ABCC2: variants seen among roughly 807,000 people sequenced by gnomAD.
ABCC2 encodes ATP-binding cassette sub-family C member 2.
In ABCC2, 157 loss-of-function variants were observed where a neutral mutation model predicts 173.4. That is an observed-to-expected ratio of 0.91 (90% CI 0.80 to 1.03). The LOEUF (loss-of-function observed/expected upper bound fraction) is 1.03, where lower values mean the gene tolerates loss of function less well. Among genes scored for constraint, ABCC2 ranks in the 50% least tolerant of loss-of-function variants. The probability of loss-of-function intolerance (pLI) is 0.00; values close to 1 mark genes in which losing one functional copy is unlikely to be tolerated. For synonymous variants in ABCC2, 657 were observed against 693.5 expected (o/e 0.95, Z 0.83); for missense variants, 1,822 against 1,852.3 (o/e 0.98, Z 0.30).
intron 28 of ABCC2, among the ~76,000 whole-genome samples, chr10:99,845,391 A>G (rs1033249315): frequency 5.9e-5 from 9 of 152,202 alleles, no homozygotes; most frequent in Non-Finnish European, 8.8e-5. Context: ...AACAGCTGCC[A>G]AGAGAGTCCA....
At chr10:99,810,957 G>T (rs1036264131) in intron 14 of ABCC2, among the ~76,000 whole-genome samples, 1 of 151,578 alleles carries the variant, frequency 6.6e-6, no homozygotes, top group Non-Finnish European at 1.5e-5. Flanking sequence ...CTGGGAGGCA[G>T]AGGTTGTGGT....
At chr10:99,830,666 G>C in intron 20 of ABCC2, 50 bp from the exon 21 acceptor site, 3 of 1,613,520 alleles carry the variant, frequency 1.9e-6, no homozygotes, top group Middle Eastern at 1.7e-4. Context: ...CTGCTTGCAA[G>C]AAGACCCTTG....
chr10:99,783,179 A>T (rs1401977502), intron 1 of ABCC2, among the ~76,000 whole-genome samples: 2 of 152,204 alleles, frequency 1.3e-5, no homozygotes, highest in South Asian at 2.1e-4. Flanking sequence ...CGTGTGAGGA[A>T]GGAGAATTGT....
chr10:99,824,641 C>T (rs951618459), intron 19 of ABCC2, among the ~76,000 whole-genome samples: 64 of 151,340 alleles, frequency 4.2e-4, no homozygotes, highest in African/African-American at 1.4e-3. Context: ...GCAAATTTTT[C>T]GCAATCCTGC....
intron 11 of ABCC2, 72 bp from the exon 12 acceptor site, chr10:99,807,312 T>C (rs1272465862): frequency 3.8e-6 from 6 of 1,580,258 alleles, no homozygotes; most frequent in South Asian, 3.3e-5. Context: ...TCTTAAAACA[T>C]GGGTGGATCA....
At chr10:99,795,755 G>GAAGGAAAT (rs1564672342) in intron 6 of ABCC2, among the ~76,000 whole-genome samples, 1 of 126,784 alleles carries the variant, frequency 7.9e-6, no homozygotes, top group East Asian at 2.2e-4. Context: ...AAGAAAGAAA[G>GAAGGAAAT]AAAGAAAGAA....
At chr10:99,793,256 A>G (rs141429576) in intron 3 of ABCC2, among the ~76,000 whole-genome samples, 22 of 152,296 alleles carry the variant, frequency 1.4e-4, no homozygotes, top group Middle Eastern at 3.4e-3. Context: ...GGTCCTGGAA[A>G]GGTTTTTCTA....
At chr10:99,835,763 C>T (rs1335279530) in intron 24 of ABCC2, among the ~76,000 whole-genome samples, 5 of 152,088 alleles carry the variant, frequency 3.3e-5, no homozygotes, top group Admixed American at 1.3e-4. Context: ...CAGAAACTGT[C>T]ACATGGATGA....
chr10:99,799,156 GC>G, intron 7 of ABCC2, 50 bp from the exon 8 acceptor site: 1 of 1,609,074 alleles, frequency 6.2e-7, no homozygotes, highest in Non-Finnish European at 8.5e-7. Context: ...AGCTGCTCAG[GC>G]CAGTAACAGA....
intron 6 of ABCC2, among the ~76,000 whole-genome samples, chr10:99,796,223 G>A (rs2037908753): frequency 6.6e-6 from 1 of 152,042 alleles, no homozygotes; most frequent in Non-Finnish European, 1.5e-5. Flanking sequence ...ATTAGCTGGG[G>A]GCCTGGTGCA....
At chr10:99,787,705 G>A (rs1267234264) in intron 2 of ABCC2, among the ~76,000 whole-genome samples, 1 of 151,870 alleles carries the variant, frequency 6.6e-6, no homozygotes, top group Non-Finnish European at 1.5e-5. Flanking sequence ...TTTTTTAATG[G>A]GGGTGTGAGT....
intron 6 of ABCC2, among the ~76,000 whole-genome samples, chr10:99,795,740 AAAG>A (rs2037892596): frequency 3.2e-5 from 1 of 31,294 alleles, no homozygotes; most frequent in African/African-American, 1.2e-4. Flanking sequence ...AGAAAGAAGG[AAAG>A]AAAGAAAGAA....
intron 2 of ABCC2, among the ~76,000 whole-genome samples, chr10:99,790,566 C>T (rs562351383): frequency 2.0e-5 from 3 of 152,104 alleles, no homozygotes; most frequent in Admixed American, 1.3e-4. Context: ...GGTTAGTACC[C>T]TCTAGTCATC....
chr10:99,800,807 G>T (rs2038004366), intron 9 of ABCC2, among the ~76,000 whole-genome samples: 1 of 152,176 alleles, frequency 6.6e-6, no homozygotes, highest in Admixed American at 6.5e-5. Context: ...AAGCTGTTCT[G>T]GTGCTCAGGA....
intron 30 of ABCC2, among the ~76,000 whole-genome samples, chr10:99,848,953 A>G (rs2039053791): frequency 6.6e-6 from 1 of 152,216 alleles, no homozygotes; most frequent in Non-Finnish European, 1.5e-5. Flanking sequence ...GGCCGGGCGC[A>G]GTGGCTCATG....
At chr10:99,827,909 C>T (rs1030916325) in intron 19 of ABCC2, among the ~76,000 whole-genome samples, 5 of 87,512 alleles carry the variant, frequency 5.7e-5, no homozygotes, top group Admixed American at 1.3e-4. Flanking sequence ...TCAATGACCA[C>T]GCTCGAGCGT....
intron 16 of ABCC2, among the ~76,000 whole-genome samples, chr10:99,814,177 A>G (rs1460617647): frequency 1.0e-4 from 10 of 99,800 alleles, no homozygotes; most frequent in African/African-American, 3.2e-4. Flanking sequence ...ATATACACAC[A>G]TGTATGTATA....
At position 99,811,329 on chromosome 10, in the gene ABCC2, CA is replaced by C. The variant is rs59066738; in HGVS notation, c.1901-194del. Among the ~76,000 whole-genome samples the C allele has an allele frequency of 0.028, 3,718 of 133,278 alleles. 133 individuals carry two copies. Among genetic ancestry groups the C allele is most frequent in the African/African-American group, 0.084 (3,080 of 36,726 alleles). The allele number at this position is 133,278 out of a possible 152,430, so 87.4% of individuals were successfully genotyped here. On this transcript the variant is annotated intron_variant, in intron 14 of 31. Coordinates refer to ENST00000647814, the MANE Select transcript of ABCC2 (RefSeq NM_000392.5). ...TGGGTGACAAAGTGAGACCATGACTCAAAAAAAAAAAAAGGACTTCATATGC... is the reference window on the plus strand; with the variant it reads ...TGGGTGACAAAGTGAGACCATGACTCAAAAAAAAAAAAGGACTTCATATGC...
In ABCC2 at chr10:99,814,148, TGTATGTATACACACG is replaced by T. The variant is rs1564683219; in HGVS notation, c.2094+1005_2094+1019del. 2.0e-4 allele frequency among the ~76,000 whole-genome samples: 5 copies of T among 24,446 alleles called. 1 individual carries two copies. Among genetic ancestry groups the T allele is most frequent in the African/African-American group, 3.0e-4 (2 of 6,712 alleles). The allele number at this position is 24,446 out of a possible 152,430, so 16.0% of individuals were successfully genotyped here. A position where few individuals can be genotyped will look rare whatever the true frequency, so the allele number is the denominator to read the frequency against. ...ACATATGTGTGTATATATACACACA[TGTATGTATACACACG>T]TATATATACACACATGTATGTATAC... On this transcript the variant is annotated intron_variant, in intron 16 of 31. Transcript: ENST00000647814.
Sources: allele counts gnomAD v4.1 joint callset (sites outside exome capture counted in the v4.1 genomes callset), GRCh38; gene constraint gnomAD v4.1.1; transcripts MANE v1.5; gene names NCBI Gene and HGNC (gene_info 2026-07-23, HGNC 2026-07-21).